Variants in ARHGAP26 observed in about 807,000 individuals in gnomAD.
ARHGAP26 encodes the protein rho GTPase-activating protein 26.
In ARHGAP26, 38 loss-of-function variants were observed where a neutral mutation model predicts 104.8. The observed-to-expected ratio is 0.36, with a 90% CI of 0.28 to 0.48. ARHGAP26 has a LOEUF of 0.48. Ranked by LOEUF, ARHGAP26 falls within the 20% of genes least tolerant of loss-of-function variation. ARHGAP26 has a pLI of 0.99. For synonymous variants in ARHGAP26, 341 were observed against 340.0 expected, an observed-to-expected ratio of 1.00 and a Z score of -0.03; for missense variants, 704 against 947.9, an observed-to-expected ratio of 0.74 and a Z score of 3.38.
Position 143,214,105 on chromosome 5 carries a change from C to A in ARHGAP26, c.2191+17C>A. 3 of 1,234,868 alleles carry A rather than the reference C, an allele frequency of 2.4e-6. No individual in the cohort carries two copies. The highest frequency in any genetic ancestry group is 2.3e-6 in the Non-Finnish European group (2 of 886,648). 76.5% of individuals were successfully genotyped at this position (1,234,868 alleles called of 1,614,324 possible). A position where few individuals can be genotyped will look rare whatever the true frequency, so the allele number is the denominator to read the frequency against. ...TCGATAACGGTGAGTTTCTCATCCCCTCACAAAGATATGGGCGGGGGGCGG... is the reference window on the plus strand; with the variant it reads ...TCGATAACGGTGAGTTTCTCATCCCATCACAAAGATATGGGCGGGGGGCGG... On this transcript the variant is annotated intron_variant, in intron 22 of 22. Coordinates refer to ENST00000645722, the MANE Select transcript of ARHGAP26 (RefSeq NM_001135608.3).
chr5:142,833,670 G>A (rs1334778397), intron 1 of ARHGAP26, among the ~76,000 whole-genome samples: 2 of 152,176 alleles, frequency 1.3e-5, no homozygotes, highest in South Asian at 2.1e-4. Flanking sequence ...CGCTCTTTCT[G>A]TGTGAGCAAG....
intron 20 of ARHGAP26, among the ~76,000 whole-genome samples, chr5:143,193,638 A>G (rs1806313432): frequency 1.3e-5 from 2 of 152,132 alleles, no homozygotes; most frequent in Non-Finnish European, 2.9e-5. Flanking sequence ...TGCATATGCT[A>G]AAGAGAAGCC....
In ARHGAP26 at chr5:143,090,178, A is replaced by G. The variant is rs576954052; in HGVS notation, c.1539-30810A>G. Among the ~76,000 whole-genome samples the G allele has an allele frequency of 4.6e-5, 7 of 152,366 alleles. No homozygotes were observed. The South Asian group carries it at 1.4e-3, about 32-fold the overall frequency. On this transcript the variant is annotated intron_variant, in intron 17 of 22. Transcript: ENST00000645722. ...CCCGCAGGGTGCCGGACTTCGGGAT[A>G]TAGCAGAGAGAGAGCGTGGCATGAC... is the stretch of plus-strand genomic sequence containing the variant.
chr5:143,072,276 GA>G (rs1466634928), intron 17 of ARHGAP26, among the ~76,000 whole-genome samples: 1 of 152,182 alleles, frequency 6.6e-6, no homozygotes, highest in Non-Finnish European at 1.5e-5. Context: ...AGAATGGGGA[GA>G]AAAGGGAGGT....
intron 17 of ARHGAP26, among the ~76,000 whole-genome samples, chr5:143,104,494 G>C (rs1038465109): frequency 6.6e-6 from 1 of 152,190 alleles, no homozygotes; most frequent in African/African-American, 2.4e-5. Flanking sequence ...CTGGGCGAGA[G>C]AGTGAGAACC....
chr5:142,890,151 A>AAAAATATATATAT (rs1252590997), intron 5 of ARHGAP26, among the ~76,000 whole-genome samples: 1 of 32,428 alleles, frequency 3.1e-5, no homozygotes, highest in African/African-American at 1.2e-4. Context: ...AAAAAAAAAA[A>AAAAATATATATAT]ATATATATAT....
chr5:142,876,390 T>C (rs1027039689), intron 3 of ARHGAP26, among the ~76,000 whole-genome samples: 1 of 152,174 alleles, frequency 6.6e-6, no homozygotes, highest in African/African-American at 2.4e-5. Flanking sequence ...TATTGAGGTT[T>C]ACAGAGGTTA....
intron 11 of ARHGAP26, among the ~76,000 whole-genome samples, chr5:142,969,842 T>C (rs1014532139): frequency 3.3e-5 from 5 of 152,148 alleles, no homozygotes; most frequent in Non-Finnish European, 7.3e-5. Context: ...GTGTTTGCCT[T>C]CCCTTCCTGC....
At chr5:142,775,172 A>C (rs940500169) in intron 1 of ARHGAP26, among the ~76,000 whole-genome samples, 1 of 152,080 alleles carries the variant, frequency 6.6e-6, no homozygotes, top group Non-Finnish European at 1.5e-5. Context: ...TTTTTTAAGA[A>C]CTGTCAAACC....
At chr5:142,824,171 C>CT (rs1561904156) in intron 1 of ARHGAP26, among the ~76,000 whole-genome samples, 5 of 152,092 alleles carry the variant, frequency 3.3e-5, no homozygotes, top group Non-Finnish European at 5.9e-5. Context: ...CTGCAGTTCG[C>CT]GTTCCCATGC....
intron 17 of ARHGAP26, among the ~76,000 whole-genome samples, chr5:143,075,234 T>C (rs985010909): frequency 3.3e-5 from 5 of 151,964 alleles, no homozygotes; most frequent in East Asian, 1.9e-4. Flanking sequence ...TCCTCTATTA[T>C]AGGGTCAACA....
intron 20 of ARHGAP26, among the ~76,000 whole-genome samples, chr5:143,173,701 C>T (rs912985650): frequency 5.3e-5 from 8 of 152,192 alleles, no homozygotes; most frequent in African/African-American, 2.4e-5. Flanking sequence ...GACTTCCCCA[C>T]CTCACCATTT....
rs1166480210 is a variant in ARHGAP26, at chr5:143,134,123, A to AG, written c.1837+21dup. 6.3e-7 allele frequency: 1 copy of AG among 1,598,414 alleles called. No individual in the cohort carries two copies. The highest frequency in any genetic ancestry group is 1.7e-5 in the Admixed American group (1 of 58,700). ...AGAGAAACGTGAGTCTTTGCTGCATAGGGCCAGCGTGGCATTCAGGGACAT... is the reference window on the plus strand; with the variant it reads ...AGAGAAACGTGAGTCTTTGCTGCATAGGGGCCAGCGTGGCATTCAGGGACAT... On this transcript the variant is annotated intron_variant, in intron 19 of 22. Transcript: ENST00000645722.
chr5:143,191,352 T>C (rs1254351248), intron 20 of ARHGAP26, among the ~76,000 whole-genome samples: 1 of 152,200 alleles, frequency 6.6e-6, no homozygotes, highest in African/African-American at 2.4e-5. Flanking sequence ...TGGACAAATA[T>C]GCTTTTCATT....
chr5:142,905,757 A>G (rs1761021533), intron 8 of ARHGAP26, among the ~76,000 whole-genome samples: 1 of 152,258 alleles, frequency 6.6e-6, no homozygotes, highest in African/African-American at 2.4e-5. Flanking sequence ...AGTAATAGCT[A>G]AAATCGCAAT....
chr5:143,160,438 G>A (rs549581649), intron 20 of ARHGAP26, among the ~76,000 whole-genome samples: 2 of 151,698 alleles, frequency 1.3e-5, no homozygotes, highest in Non-Finnish European at 2.9e-5. Context: ...TTTGACAGAA[G>A]AGTAAGGCCT....
chr5:143,079,508 A>G (rs577480252), intron 17 of ARHGAP26, among the ~76,000 whole-genome samples: 18 of 152,310 alleles, frequency 1.2e-4, no homozygotes, highest in African/African-American at 4.3e-4. Flanking sequence ...AGCTGATTTG[A>G]TTATTACATT....
chr5:143,140,166 C>T (rs535901275), intron 19 of ARHGAP26, among the ~76,000 whole-genome samples: 4 of 152,198 alleles, frequency 2.6e-5, no homozygotes, highest in Admixed American at 1.3e-4. Flanking sequence ...TTTTAAAGCA[C>T]CCTAGTGATA....
chr5:143,215,908 C>T (rs1477547039), intron 22 of ARHGAP26, among the ~76,000 whole-genome samples: 1 of 152,142 alleles, frequency 6.6e-6, no homozygotes, highest in Non-Finnish European at 1.5e-5. Context: ...AATAATGCTG[C>T]TGTGAACATG....
Sources: allele counts gnomAD v4.1 joint callset (sites outside exome capture counted in the v4.1 genomes callset), GRCh38; gene constraint gnomAD v4.1.1; transcripts MANE v1.5; gene names NCBI Gene and HGNC (gene_info 2026-07-23, HGNC 2026-07-21).